The following ARNT2 variants were observed in gnomAD, a reference collection of about 807,000 sequenced individuals.
ARNT2 encodes ARNT protein 2.
ARNT2 carries 36 observed loss-of-function variants against 91.7 expected under a neutral mutation model. That is an observed-to-expected ratio of 0.39 (90% CI 0.30 to 0.52). The LOEUF is 0.52. ARNT2 is among the 20% of genes least tolerant of loss of function. The pLI is 0.72. For synonymous variants in ARNT2, 365 were observed against 347.1 expected, an observed-to-expected ratio of 1.05 and a Z score of -0.57; for missense variants, 775 against 939.3, an observed-to-expected ratio of 0.83 and a Z score of 2.29.
intron 5 of ARNT2, among the ~76,000 whole-genome samples, chr15:80,505,924 G>GTTT (rs1486880107): frequency 9.8e-5 from 7 of 71,176 alleles, no homozygotes; most frequent in African/African-American, 4.6e-4. Context: ...CCCAACATTT[G>GTTT]TTGTTTTTTT....
At chr15:80,574,792 C>G (rs1483483446) in intron 13 of ARNT2, among the ~76,000 whole-genome samples, 195 bp from the exon 14 acceptor site, 2 of 152,174 alleles carry the variant, frequency 1.3e-5, no homozygotes, top group African/African-American at 4.8e-5. Flanking sequence ...AGTTCACCGC[C>G]CCCTAACCCC....
intron 8 of ARNT2, 46 bp downstream of exon 8, chr15:80,514,451 A>G: frequency 2.6e-6 from 4 of 1,520,264 alleles, no homozygotes; most frequent in African/African-American, 2.7e-5. Context: ...GGTGCTGCTC[A>G]TACCTGACCA....
chr15:80,442,136 C>T (rs1329021432), intron 1 of ARNT2, among the ~76,000 whole-genome samples: 1 of 152,162 alleles, frequency 6.6e-6, no homozygotes, highest in Non-Finnish European at 1.5e-5. Flanking sequence ...CCAGAAATCT[C>T]CAGGGACTGG....
chr15:80,436,674 A>G (rs914543472), intron 1 of ARNT2, among the ~76,000 whole-genome samples: 1 of 152,174 alleles, frequency 6.6e-6, no homozygotes, highest in African/African-American at 2.4e-5. Context: ...TTGTGTCTGG[A>G]CAACAATCAG....
chr15:80,418,960 G>A (rs1274066970), intron 1 of ARNT2, among the ~76,000 whole-genome samples: 3 of 152,220 alleles, frequency 2.0e-5, no homozygotes, highest in African/African-American at 7.2e-5. Flanking sequence ...TGGGTGGAAA[G>A]AATGACAGAG....
intron 15 of ARNT2, 113 bp downstream of exon 15, chr15:80,577,078 G>A (rs904626511): frequency 8.8e-5 from 93 of 1,055,456 alleles, no homozygotes; most frequent in South Asian, 3.7e-4. Flanking sequence ...GGTTACTGGC[G>A]CTCAGGCCTT....
At chr15:80,551,362 T>G in intron 9 of ARNT2, 87 bp downstream of exon 9, 1 of 1,225,342 alleles carries the variant, frequency 8.2e-7, no homozygotes, top group Non-Finnish European at 1.2e-6. Context: ...CTGCCTATTC[T>G]GATCACCTGT....
chr15:80,406,311 T>G (rs1397640018), intron 1 of ARNT2, among the ~76,000 whole-genome samples: 1 of 152,174 alleles, frequency 6.6e-6, no homozygotes, highest in African/African-American at 2.4e-5. Flanking sequence ...TCCAGAACAC[T>G]GAGGAGGAAC....
At chr15:80,511,253 ATTG>A (rs1595991999) in intron 6 of ARNT2, among the ~76,000 whole-genome samples, 1 of 152,172 alleles carries the variant, frequency 6.6e-6, no homozygotes, top group Non-Finnish European at 1.5e-5. Flanking sequence ...GGAAGTCATT[ATTG>A]TTAGCGAATT....
intron 1 of ARNT2, chr15:80,434,211 G>A (rs1162933883): frequency 6.6e-6 from 1 of 152,242 alleles, no homozygotes; most frequent in Non-Finnish European, 1.5e-5. Context: ...TAAGAGACAG[G>A]AGGGCAAGAG....
intron 1 of ARNT2, among the ~76,000 whole-genome samples, chr15:80,409,750 T>C (rs1895654607): frequency 6.6e-6 from 1 of 152,068 alleles, no homozygotes; most frequent in South Asian, 2.1e-4. Flanking sequence ...GGACCTAAAT[T>C]AGAGGATTAG....
At chr15:80,542,742 C>T (rs1313428531) in intron 8 of ARNT2, among the ~76,000 whole-genome samples, 2 of 151,994 alleles carry the variant, frequency 1.3e-5, no homozygotes, top group African/African-American at 4.8e-5. Flanking sequence ...CCAGTCAGAC[C>T]CTATTACCGA....
intron 1 of ARNT2, among the ~76,000 whole-genome samples, chr15:80,413,606 A>T (rs1339376692): frequency 1.3e-5 from 2 of 152,252 alleles, no homozygotes; most frequent in Non-Finnish European, 2.9e-5. Context: ...AGTGGAGAGC[A>T]GCTGCAGGTG....
intron 5 of ARNT2, among the ~76,000 whole-genome samples, chr15:80,493,273 C>T (rs1195611555): frequency 6.6e-6 from 1 of 151,934 alleles, no homozygotes; most frequent in Non-Finnish European, 1.5e-5. Flanking sequence ...AAAGGTCTTA[C>T]CTCACAACAC....
chr15:80,415,032 A>G (rs1448233109), intron 1 of ARNT2, among the ~76,000 whole-genome samples: 7 of 151,984 alleles, frequency 4.6e-5, no homozygotes, highest in Non-Finnish European at 8.8e-5. Context: ...GAGAATGTAG[A>G]CCCCCTCCAT....
At chr15:80,451,520 A>G (rs1423065330) in intron 2 of ARNT2, among the ~76,000 whole-genome samples, 1 of 152,226 alleles carries the variant, frequency 6.6e-6, no homozygotes, top group Non-Finnish European at 1.5e-5. Context: ...TTCCAAGTGT[A>G]CTTGTTCTGA....
chr15:80,531,646 C>T (rs1047933371), intron 8 of ARNT2, among the ~76,000 whole-genome samples: 3 of 152,228 alleles, frequency 2.0e-5, no homozygotes, highest in African/African-American at 7.2e-5. Flanking sequence ...GTGGCATCCT[C>T]ATCATTTGGT....
chr15:80,506,738 A>G (rs564744960), intron 5 of ARNT2, among the ~76,000 whole-genome samples: 1 of 152,146 alleles, frequency 6.6e-6, no homozygotes, highest in Non-Finnish European at 1.5e-5. Flanking sequence ...GAAAGTCGCC[A>G]AGGGTCCCTG....
At chr15:80,494,278 T>C (rs966745139) in intron 5 of ARNT2, among the ~76,000 whole-genome samples, 2 of 152,194 alleles carry the variant, frequency 1.3e-5, no homozygotes, top group African/African-American at 4.8e-5. Flanking sequence ...ATGCAGATTT[T>C]TCCTGCTATT....
Sources: allele counts gnomAD v4.1 joint callset (sites outside exome capture counted in the v4.1 genomes callset), GRCh38; gene constraint gnomAD v4.1.1; transcripts MANE v1.5; gene names NCBI Gene and HGNC (gene_info 2026-07-23, HGNC 2026-07-21).